FBXO34: variants seen among roughly 807,000 people sequenced by gnomAD.
FBXO34 encodes the protein F-box only protein 34.
FBXO34 carries 12 observed loss-of-function variants against 24.5 expected under a neutral mutation model. That is an observed-to-expected ratio of 0.49 (90% CI 0.31 to 0.79). The LOEUF (loss-of-function observed/expected upper bound fraction) is 0.79. FBXO34 is among the 30% of genes least tolerant of loss of function. FBXO34 has a pLI of 0.04. For missense variants in FBXO34, 823 were observed against 857.7 expected (o/e 0.96, Z 0.51); for synonymous variants, 320 against 311.9 (o/e 1.03, Z -0.27).
At chr14:55,343,303 G>A (rs1884053428) in intron 1 of FBXO34, among the ~76,000 whole-genome samples, 1 of 148,078 alleles carries the variant, frequency 6.8e-6, no homozygotes, top group Non-Finnish European at 1.5e-5. Context: ...CAGAACTAGA[G>A]TGCAGTGACG....
chr14:55,397,447 A>C, the FBXO34 span: 2 of 1,603,876 alleles, frequency 1.2e-6, no homozygotes, highest in South Asian at 2.2e-5. Context: ...GTAACAAAAA[A>C]ATTCAATGTC....
intron 1 of FBXO34, among the ~76,000 whole-genome samples, chr14:55,346,232 G>A (rs1419361255): frequency 6.6e-6 from 1 of 152,208 alleles, no homozygotes; most frequent in African/African-American, 2.4e-5. Flanking sequence ...GAGTAAAGCT[G>A]TCAGGTTGGC....
the FBXO34 span, among the ~76,000 whole-genome samples, chr14:55,375,947 T>G: frequency 2.0e-5 from 3 of 152,248 alleles, no homozygotes; most frequent in Non-Finnish European, 4.4e-5. Flanking sequence ...AATCTACTTT[T>G]AACTTGCTAG....
chr14:55,397,255 G>A, the FBXO34 span: 7 of 895,534 alleles, frequency 7.8e-6, no homozygotes, highest in Admixed American at 8.1e-5. Flanking sequence ...ACTTTAAGAG[G>A]TTGTATCCTA....
chr14:55,421,680 C>T, the FBXO34 span, among the ~76,000 whole-genome samples: 7 of 152,284 alleles, frequency 4.6e-5, no homozygotes, highest in East Asian at 1.2e-3. Context: ...CAAGGCTGGT[C>T]TTGAATTCCT....
At chr14:55,367,442 T>A (rs964445339) in exon 3 of FBXO34, 1 of 152,212 alleles carries the variant, frequency 6.6e-6, no homozygotes, top group Non-Finnish European at 1.5e-5. Flanking sequence ...ATCCCAGCAG[T>A]GTAGAAGAAC....
chr14:55,420,118 T>C, the FBXO34 span, among the ~76,000 whole-genome samples: 1 of 152,234 alleles, frequency 6.6e-6, no homozygotes, highest in Non-Finnish European at 1.5e-5. Flanking sequence ...TTACCCAGGC[T>C]AGAGTGCAGT....
chr14:55,389,651 A>G, the FBXO34 span, among the ~76,000 whole-genome samples: 1 of 152,232 alleles, frequency 6.6e-6, no homozygotes, highest in Non-Finnish European at 1.5e-5. Flanking sequence ...TGCTGCCGGC[A>G]CTCATTTAAT....
At chr14:55,432,381 C>G in the FBXO34 span, among the ~76,000 whole-genome samples, 1 of 151,020 alleles carries the variant, frequency 6.6e-6, no homozygotes, top group Non-Finnish European at 1.5e-5. Flanking sequence ...CCACTGCACT[C>G]CATCCTGGAT....
Position 55,331,778 on chromosome 14 carries a change from TACCACCATG to T in FBXO34, c.-10-18602_-10-18594del, listed in dbSNP as rs1883582799. ...ATATATATGTATATATATATATATA[TACCACCATG>T]GTGTATATATAAATATATATATATA... On this transcript the variant is annotated intron_variant, in intron 1 of 1. Coordinates refer to ENST00000313833, the MANE Select transcript of FBXO34 (RefSeq NM_017943.4). Among the ~76,000 whole-genome samples, 4 of 73,954 alleles carry T rather than the reference TACCACCATG, an allele frequency of 5.4e-5. No individual in the cohort carries two copies. The South Asian group carries it at 1.5e-3, about 28-fold the overall frequency. The allele number at this position is 73,954 out of a possible 152,430, so 48.5% of individuals were successfully genotyped here.
the FBXO34 span, chr14:55,390,900 G>A: frequency 3.3e-5 from 52 of 1,554,672 alleles, no homozygotes; most frequent in African/African-American, 1.1e-4. Flanking sequence ...GGAAGGACAC[G>A]AATTACTTAC....
chr14:55,439,042 A>G, the FBXO34 span: 2 of 151,174 alleles, frequency 1.3e-5, no homozygotes, highest in African/African-American at 4.9e-5. Flanking sequence ...GATGCAAGCA[A>G]TTCTCCTGCC....
chr14:55,392,751 CA>C, the FBXO34 span, among the ~76,000 whole-genome samples: 35 of 151,912 alleles, frequency 2.3e-4, no homozygotes, highest in South Asian at 1.0e-3. Context: ...AAACAATGCT[CA>C]AATGTTCATG....
downstream of FBXO34, among the ~76,000 whole-genome samples, chr14:55,363,062 G>T (rs1394681159): frequency 7.5e-6 from 1 of 133,890 alleles, no homozygotes. Context: ...CGCTCTTGTT[G>T]CCCAGGCTGG....
intron 1 of FBXO34, among the ~76,000 whole-genome samples, chr14:55,293,523 T>G (rs141860438): frequency 6.6e-6 from 1 of 152,180 alleles, no homozygotes; most frequent in African/African-American, 2.4e-5. Flanking sequence ...ATCTATAATC[T>G]GAAGATAGAG....
intron 1 of FBXO34, among the ~76,000 whole-genome samples, chr14:55,306,095 A>T (rs1352682192): frequency 6.6e-6 from 1 of 152,254 alleles, no homozygotes; most frequent in Non-Finnish European, 1.5e-5. Context: ...TTTCCCAGTC[A>T]TTAAAAACAA....
At position 55,352,369 on chromosome 14, in the gene FBXO34, A is replaced by G. The variant is rs779804049; in HGVS notation, c.1979A>G (p.Tyr660Cys). ...AAGCCCTATTGCCAGGCATTGCCCT[A>G]TGGGCCAGGGTATTGGATGTGCTGC... ...HPKPYCQALP[Y>C]GPGYWMCCHR... The change falls in exon 2 of 2, where the codon TAT (tyrosine) becomes TGT (cysteine). Residue 660 changes from tyrosine to cysteine, a missense_variant. By Grantham distance (194) the Tyr-to-Cys change is radical. Around this residue, in one of 2 missense-constraint regions of FBXO34, gnomAD observed 130 missense variants for 198.6 expected, o/e 0.65. Coordinates refer to ENST00000313833, the MANE Select transcript of FBXO34 (RefSeq NM_017943.4). The G allele has an allele frequency of 4.0e-5, 64 of 1,614,094 alleles. No homozygotes were observed. Among genetic ancestry groups the G allele is most frequent in the East Asian group, 4.5e-5 (2 of 44,890 alleles).
At chr14:55,358,359 G>T (rs1006434141), downstream of FBXO34, among the ~76,000 whole-genome samples, 2 of 152,170 alleles carry the variant, frequency 1.3e-5, no homozygotes, top group African/African-American at 4.8e-5. Context: ...TATTATAAGG[G>T]TGTAGATATA....
At chr14:55,366,495 T>C (rs1884681474), downstream of FBXO34, 1 of 152,648 alleles carries the variant, frequency 6.6e-6, no homozygotes, top group South Asian at 2.1e-4. Flanking sequence ...TCCTGCAACA[T>C]GATACTGTGA....
Sources: allele counts gnomAD v4.1 joint callset (sites outside exome capture counted in the v4.1 genomes callset), GRCh38; gene constraint gnomAD v4.1.1; regional missense constraint gnomAD v4.1.1; transcripts MANE v1.5; gene names NCBI Gene and HGNC (gene_info 2026-07-23, HGNC 2026-07-21).